PMEL: variants seen among roughly 807,000 people sequenced by gnomAD.
The protein encoded by PMEL is premelanosome protein.
Under a neutral mutation model 64.9 loss-of-function variants are expected in PMEL, and 53 were observed. The ratio of observed to expected loss-of-function variants is 0.82; its 90% CI spans 0.66 to 1.03. PMEL has a LOEUF of 1.03. Among genes scored for constraint, PMEL ranks in the 50% least tolerant of loss-of-function variants. The pLI, the probability that PMEL is intolerant of heterozygous loss-of-function variation, is 0.00. For missense variants in PMEL, 716 were observed against 814.9 expected (o/e 0.88, Z 1.48); for synonymous variants, 299 against 316.2 (o/e 0.95, Z 0.58).
At chr12:55,954,417 G>A (rs1888755472) in intron 10 of PMEL, 68 bp from the exon 11 acceptor site, 2 of 1,539,464 alleles carry the variant, frequency 1.3e-6, no homozygotes, top group South Asian at 2.2e-5. Context: ...CTTCTCCAAA[G>A]AAGGGAACAC....
rs1466941209 is a variant in PMEL at position 55,955,362 on chromosome 12, C to T, written c.1763-1G>A. The stretch of plus-strand genomic sequence containing the variant: ...ACCTGCCCAAGGCCTGCTTCTTGAC[C>T]TGTGAGAAGAATCCCAGGCACTGCT... On this transcript the variant is annotated splice_acceptor_variant, in intron 9 of 10. Transcript: ENST00000548747. LOFTEE classifies it high-confidence loss of function. 4 of 1,614,202 alleles carry T rather than the reference C, an allele frequency of 2.5e-6. No individual in the cohort carries two copies. The South Asian group carries it at 3.3e-5, about 13-fold the overall frequency.
intron 1 of PMEL, among the ~76,000 whole-genome samples, chr12:55,965,003 C>A (rs1427956476): frequency 2.0e-5 from 3 of 150,212 alleles, no homozygotes. Context: ...TCTTGGCTCA[C>A]TGCAACCTCT....
rs746898807 is a variant in PMEL, at chr12:55,958,050, A to G, written c.504T>C (p.Ser168=). ...CCCTGCCTGTCCCAATGCTCAGCCC[A>G]GACACTGGGCCCCCTAGAACTTGCC... ...QYWQVLGGPV[S]GLSIGTGRAM... is the part of the protein sequence containing the mutation. The change falls in exon 5 of 11, where the codon TCT becomes TCC. Residue 168 remains serine (S), a synonymous_variant. Transcript: ENST00000548747. 1 of 1,614,228 alleles carries G rather than the reference A, an allele frequency of 6.2e-7. No individual in the cohort carries two copies. Among genetic ancestry groups the G allele is most frequent in the Non-Finnish European group, 8.5e-7 (1 of 1,180,036 alleles).
chr12:55,957,962 C>T lies in PMEL; in HGVS notation c.592G>A (p.Val198Met). The change falls in exon 5 of 11, where the codon GTG becomes ATG. Residue 198 changes from valine to methionine, a missense_variant. Physicochemically the swap from Val to Met is conservative, Grantham distance 21 (BLOSUM62 1). Transcript: ENST00000548747. ...VYHRRGSRSY[V>M]PLAHSSSAFT... Reference sequence around the variant, plus strand: ...GCTGAGCTGGAATGAGCAAGAGGCACATAGCTCCGGGATCCCCGGCGATGG... The same window carrying T: ...GCTGAGCTGGAATGAGCAAGAGGCATATAGCTCCGGGATCCCCGGCGATGG... 6.2e-7 allele frequency: 1 copy of T among 1,614,224 alleles called. No individual in the cohort carries two copies. Among genetic ancestry groups the T allele is most frequent in the African/African-American group, 1.3e-5 (1 of 75,066 alleles).
In PMEL at chr12:55,956,149, A is replaced by G. The variant is rs761075601; in HGVS notation, c.1425T>C (p.Cys475=). ...AAAAGGAACCATATCGATACAGAAC[A>G]CAATCCAGGGGGACTTGTCTCTTCA... ...RLVKRQVPLD[C]VLYRYGSFSV... The change falls in exon 7 of 11, where the codon TGT becomes TGC. Residue 475 remains cysteine (C), a synonymous_variant. Coordinates refer to ENST00000548747, the MANE Select transcript of PMEL (RefSeq NM_001384361.1). 8.1e-6 allele frequency: 13 copies of G among 1,614,096 alleles called. No homozygotes were observed. The highest frequency in any genetic ancestry group is 1.3e-5 in the African/African-American group (1 of 75,044).
rs982023970 is a variant in PMEL, at chr12:55,961,700, T to G, written c.109A>C (p.Arg37=). 3.1e-6 allele frequency: 5 copies of G among 1,613,976 alleles called. No homozygotes were observed. The highest frequency in any genetic ancestry group is 1.7e-5 in the Admixed American group (1 of 59,990). ...TTCCAGGCTTTGGTTCTGAGTTGCC[T>G]TGAGACACCAAGCCAGTCCTGGTTT... ...PRNQDWLGVS[R]QLRTKAWNRQ... The change falls in exon 2 of 11, where the codon AGG becomes CGG. Residue 37 remains arginine (R), a synonymous_variant. Coordinates refer to ENST00000548747, the MANE Select transcript of PMEL (RefSeq NM_001384361.1).
chr12:55,956,850 T>TAA, intron 6 of PMEL, 99 bp downstream of exon 6: 2 of 1,328,860 alleles, frequency 1.5e-6, no homozygotes, highest in Middle Eastern at 2.4e-4. Flanking sequence ...ACCATAGTGC[T>TAA]AAGCAAAGGA....
At chr12:55,958,807 G>T (rs1476309346) in intron 3 of PMEL, 200 bp from the exon 4 acceptor site, 5 of 549,800 alleles carry the variant, frequency 9.1e-6, no homozygotes, top group Non-Finnish European at 1.3e-5. Flanking sequence ...TTAGAGACAG[G>T]GTCTTAGTCT....
Position 55,957,584 on chromosome 12 carries a change from A to G in PMEL, c.719T>C (p.Phe240Ser), listed in dbSNP as rs747177005. The G allele has an allele frequency of 8.1e-6, 13 of 1,613,710 alleles. No homozygotes were observed. Among genetic ancestry groups the G allele is most frequent in the Non-Finnish European group, 1.1e-5 (13 of 1,179,948 alleles). ...KHFLRNQPLT[F>S]ALQLHDPSGY... ...ACTGGGGTCATGGAGCTGGAGGGCA[A>G]AGGTCAGAGGCTGATTTCTCAGGAA... Residue 240 changes from phenylalanine to serine, a missense_variant, in exon 6 of 11, where the codon TTT (phenylalanine) becomes TCT (serine). Physicochemically the swap from Phe to Ser is radical, Grantham distance 155 (BLOSUM62 -2). Coordinates refer to ENST00000548747, the MANE Select transcript of PMEL (RefSeq NM_001384361.1).
rs779756800 is a variant in PMEL, at chr12:55,955,791, GAC to G, written c.1542_1543del (p.Ser515LeufsTer58). On this transcript the variant is annotated frameshift_variant, in exon 8 of 11. Transcript: ENST00000548747. LOFTEE classifies it high-confidence loss of function. ...GTGAGACACTCACCCGCCTTGGCAG[GAC>G]ACAGTCAGCTCAAATGCATCCCCCT... The G allele has an allele frequency of 6.8e-6, 11 of 1,613,882 alleles. No individual in the cohort carries two copies. The highest frequency in any genetic ancestry group is 9.3e-6 in the Non-Finnish European group (11 of 1,179,762).
chr12:55,966,003 C>G lies in PMEL; in HGVS notation c.9G>C (p.Leu3=). Residue 3 remains leucine (L), a synonymous_variant, in exon 1 of 11, where the codon CTG becomes CTC. Transcript: ENST00000548747. The stretch of plus-strand genomic sequence containing the variant: ...AATGAAGAAGGCATCTTTTTAGCAC[C>G]AGATCCATTGTGTTCTTCCCTCCAG... The part of the protein sequence containing the change: MD[L]VLKRCLLHLA... 6.2e-7 allele frequency: 1 copy of G among 1,614,230 alleles called. No homozygotes were observed. The highest frequency in any genetic ancestry group is 8.5e-7 in the Non-Finnish European group (1 of 1,180,030).
At chr12:55,957,838 T>C (rs1288769930) in intron 5 of PMEL, 85 bp downstream of exon 5, 3 of 1,562,066 alleles carry the variant, frequency 1.9e-6, no homozygotes, top group Non-Finnish European at 2.6e-6. Context: ...TTGCACAGCA[T>C]TTCACCTTTC....
Position 55,955,874 on chromosome 12 carries a change from G to A in PMEL, c.1472-11C>T, listed in dbSNP as rs1413023733. 6.2e-7 allele frequency: 1 copy of A among 1,611,828 alleles called. No homozygotes were observed. The highest frequency in any genetic ancestry group is 1.1e-5 in the South Asian group (1 of 91,032). On this transcript the variant is annotated splice_polypyrimidine_tract_variant and intron_variant, in intron 7 of 10. Coordinates refer to ENST00000548747, the MANE Select transcript of PMEL (RefSeq NM_001384361.1). ...CACTTTCAATACCCTCTGCAGAGTT[G>A]CAAGCTTATCAAATTAGGATTCCTC...
chr12:55,955,587 T>C lies in PMEL; in HGVS notation c.1639A>G (p.Ser547Gly), dbSNP rs1888839955. 6.2e-7 allele frequency: 1 copy of C among 1,613,878 alleles called. No individual in the cohort carries two copies. The highest frequency in any genetic ancestry group is 8.5e-7 in the Non-Finnish European group (1 of 1,180,016). Residue 547 changes from serine to glycine, a missense_variant, in exon 9 of 11, where the codon AGC becomes GGC. Transcript: ENST00000548747. ...TGCAGAACCAGCTGGCAGGCTGGGC[T>C]GGGTAGCACAGGCTGGCACAGCCGC... is the stretch of plus-strand genomic sequence containing the variant. ...AQRLCQPVLP[S>G]PACQLVLHQI... is the part of the protein sequence containing the mutation.
Position 55,958,237 on chromosome 12 carries a change from G to C in PMEL, c.470-153C>G. The C allele has an allele frequency of 4.7e-6, 4 of 855,496 alleles. No individual in the cohort carries two copies. The South Asian group carries it at 5.2e-5, about 11-fold the overall frequency. 53.0% of individuals were successfully genotyped at this position (855,496 alleles called of 1,614,324 possible). ...GGCTGTGATATGGGGGGACAGGGAA[G>C]GGGTCCTAATGAGGCATTCCATGGG... On this transcript the variant is annotated intron_variant, in intron 4 of 10. Transcript: ENST00000548747.
chr12:55,961,327 G>A lies in PMEL; in HGVS notation c.324C>T (p.Thr108=). 6.2e-7 allele frequency: 1 copy of A among 1,614,000 alleles called. No individual in the cohort carries two copies. The highest frequency in any genetic ancestry group is 8.5e-7 in the Non-Finnish European group (1 of 1,179,940). ...PDGQVIWVNN[T]IINGSQVWGG... ...TAGAGAAGTACTCACCATTGATGATGGTATTGTTGACCCAGATAACCTGCC... is the reference window on the plus strand; with the variant it reads ...TAGAGAAGTACTCACCATTGATGATAGTATTGTTGACCCAGATAACCTGCC... The change falls in exon 3 of 11, where the codon ACC becomes ACT. Residue 108 remains threonine (T), a synonymous_variant. Transcript: ENST00000548747.
In PMEL at chr12:55,958,511, G is replaced by T; in HGVS notation, c.431C>A (p.Ser144Tyr). The T allele has an allele frequency of 1.2e-6, 2 of 1,614,160 alleles. No individual in the cohort carries two copies. Among genetic ancestry groups the T allele is most frequent in the Non-Finnish European group, 1.7e-6 (2 of 1,180,016 alleles). ...DGGPCPSGSWSQKRSFVYVWK... is the reference protein window; with the variant it reads ...DGGPCPSGSWYQKRSFVYVWK... ...GACATAAACAAAGCTTCTCTTCTGA[G>T]ACCAAGAGCCAGATGGGCAAGGTCC... The change falls in exon 4 of 11, where the codon TCT (serine) becomes TAT (tyrosine). Residue 144 changes from serine (S) to tyrosine (Y), a missense_variant. Transcript: ENST00000548747.
intron 1 of PMEL, among the ~76,000 whole-genome samples, chr12:55,963,234 G>A (rs975793861): frequency 7.9e-5 from 12 of 152,138 alleles, no homozygotes; most frequent in Non-Finnish European, 5.9e-5. Context: ...CAGTGAGGAG[G>A]ATGGATTAGA....
chr12:55,962,664 C>G (rs1565777399), intron 1 of PMEL, among the ~76,000 whole-genome samples: 1 of 150,314 alleles, frequency 6.7e-6, no homozygotes, highest in Non-Finnish European at 1.5e-5. Context: ...GCTGGGACTA[C>G]AGGCACCCAC....
Sources: allele counts gnomAD v4.1 joint callset (sites outside exome capture counted in the v4.1 genomes callset), GRCh38; gene constraint gnomAD v4.1.1; transcripts MANE v1.5; gene names NCBI Gene and HGNC (gene_info 2026-07-23, HGNC 2026-07-21).